Variants in ADGRL2 observed in about 807,000 individuals in gnomAD.
The protein encoded by ADGRL2 is calcium-independent alpha-latrotoxin receptor 2.
A neutral mutation model predicts 157.4 loss-of-function variants in ADGRL2; 44 were observed. The observed-to-expected ratio is 0.28, with a 90% CI of 0.22 to 0.36. The LOEUF is 0.36. ADGRL2 is among the 10% of genes least tolerant of loss of function. ADGRL2 has a pLI of 1.00. For synonymous variants in ADGRL2, 585 were observed against 624.7 expected (o/e 0.94, Z 0.95); for missense variants, 1,510 against 1,768.9 (o/e 0.85, Z 2.63).
At chr1:81,374,078 C>CAT (rs777039220) in intron 1 of ADGRL2, among the ~76,000 whole-genome samples, 1 of 151,102 alleles carries the variant, frequency 6.6e-6, no homozygotes, top group Admixed American at 6.6e-5. Flanking sequence ...AATACACATA[C>CAT]ACACACACAC....
At chr1:81,364,234 T>TTTTTA (rs1194933160) in intron 1 of ADGRL2, among the ~76,000 whole-genome samples, 7 of 152,022 alleles carry the variant, frequency 4.6e-5, no homozygotes, top group African/African-American at 1.7e-4. Flanking sequence ...TGGCTTTGCC[T>TTTTTA]TGGTCTAGGA....
At chr1:81,522,612 T>G (rs926723400) in intron 2 of ADGRL2, among the ~76,000 whole-genome samples, 2 of 152,176 alleles carry the variant, frequency 1.3e-5, no homozygotes, top group Non-Finnish European at 2.9e-5. Flanking sequence ...CTATATGTGG[T>G]TTAAGCTATA....
At chr1:81,339,520 G>A (rs979351064) in intron 1 of ADGRL2, among the ~76,000 whole-genome samples, 8 of 152,118 alleles carry the variant, frequency 5.3e-5, no homozygotes, top group African/African-American at 1.9e-4. Context: ...AATAAATACA[G>A]CATAAAATCT....
At chr1:81,443,284 T>C (rs1369773188) in intron 1 of ADGRL2, among the ~76,000 whole-genome samples, 1 of 152,042 alleles carries the variant, frequency 6.6e-6, no homozygotes, top group Non-Finnish European at 1.5e-5. Flanking sequence ...TAGCAAGTCA[T>C]GATGGCAGGC....
chr1:81,578,107 A>T (rs898699575), intron 2 of ADGRL2, among the ~76,000 whole-genome samples: 6 of 152,188 alleles, frequency 3.9e-5, no homozygotes, highest in African/African-American at 1.4e-4. Flanking sequence ...TTGCACAGTG[A>T]CTTAGAAAAC....
intron 2 of ADGRL2, among the ~76,000 whole-genome samples, chr1:81,903,812 T>TACACACAC (rs66880348): frequency 5.0e-5 from 6 of 120,528 alleles, no homozygotes; most frequent in East Asian, 2.5e-4. Context: ...ACATTTTATA[T>TACACACAC]ACACACACAC....
At chr1:81,688,361 A>G (rs1161963158) in intron 3 of ADGRL2, among the ~76,000 whole-genome samples, 2 of 151,944 alleles carry the variant, frequency 1.3e-5, no homozygotes, top group Non-Finnish European at 2.9e-5. Context: ...GGCTTTGTTC[A>G]TATTTTCTTA....
At chr1:81,769,719 A>G (rs1386112530) in intron 2 of ADGRL2, among the ~76,000 whole-genome samples, 3 of 152,144 alleles carry the variant, frequency 2.0e-5, no homozygotes, top group African/African-American at 7.2e-5. Context: ...CTACACTCAC[A>G]AAACTTGATT....
intron 2 of ADGRL2, among the ~76,000 whole-genome samples, chr1:81,781,649 T>G (rs1263245807): frequency 2.0e-5 from 3 of 152,174 alleles, no homozygotes; most frequent in African/African-American, 7.2e-5. Flanking sequence ...CACCTGCGAT[T>G]TCCCAGTGTA....
At chr1:81,748,706 C>A (rs372718934) in intron 1 of ADGRL2, among the ~76,000 whole-genome samples, 261 of 151,802 alleles carry the variant, frequency 1.7e-3, no homozygotes, top group African/African-American at 6.1e-3. Flanking sequence ...CTCACTCTGT[C>A]ACCCAGGCTG....
rs542662274 is a variant in ADGRL2, at chr1:81,462,695, A to T, written c.-248+17606A>T. 2.6e-4 allele frequency among the ~76,000 whole-genome samples: 40 copies of T among 152,290 alleles called. No individual in the cohort carries two copies. In the South Asian group the frequency reaches 8.3e-3, roughly 32 times the overall value. On this transcript the variant is annotated intron_variant, in intron 2 of 24. Transcript: ENST00000370721. ...TTCCAAGTATTTTATTAAGTGTTTGATATATGACTTTTTAAGACTTTTTGA... is the reference window on the plus strand; with the variant it reads ...TTCCAAGTATTTTATTAAGTGTTTGTTATATGACTTTTTAAGACTTTTTGA...
chr1:81,856,876 T>A (rs529708455), intron 2 of ADGRL2, among the ~76,000 whole-genome samples: 1 of 152,316 alleles, frequency 6.6e-6, no homozygotes, highest in South Asian at 2.1e-4. Flanking sequence ...CTTGCTTTGA[T>A]CATTAAATAA....
At chr1:81,793,366 A>G (rs2087438638) in intron 2 of ADGRL2, among the ~76,000 whole-genome samples, 1 of 152,148 alleles carries the variant, frequency 6.6e-6, no homozygotes, top group Non-Finnish European at 1.5e-5. Context: ...CAAAAACCAG[A>G]TCAGGTTATT....
chr1:81,415,531 T>A (rs565134091), intron 1 of ADGRL2, among the ~76,000 whole-genome samples: 5 of 152,332 alleles, frequency 3.3e-5, no homozygotes, highest in South Asian at 4.1e-4. Flanking sequence ...GAGATACCAC[T>A]GCAGTTCATA....
chr1:81,546,996 T>C (rs1315808474), intron 2 of ADGRL2, among the ~76,000 whole-genome samples: 1 of 152,174 alleles, frequency 6.6e-6, no homozygotes, highest in Non-Finnish European at 1.5e-5. Flanking sequence ...AATAGCCATC[T>C]CCCCTTGTTG....
At chr1:81,414,627 T>C (rs1306100171) in intron 1 of ADGRL2, among the ~76,000 whole-genome samples, 1 of 152,126 alleles carries the variant, frequency 6.6e-6, no homozygotes, top group Non-Finnish European at 1.5e-5. Flanking sequence ...TCTGAGTCCA[T>C]GTGAACGATC....
chr1:81,980,056 G>T, intron 18 of ADGRL2, 96 bp downstream of exon 18: 1 of 691,480 alleles, frequency 1.4e-6, no homozygotes, highest in South Asian at 1.8e-5. Flanking sequence ...ATCAACTGTA[G>T]AAATTATTCA....
chr1:81,554,259 G>A (rs1290816828), intron 2 of ADGRL2, among the ~76,000 whole-genome samples: 3 of 152,192 alleles, frequency 2.0e-5, no homozygotes, highest in Non-Finnish European at 4.4e-5. Flanking sequence ...ACCTGTGAAT[G>A]GCCTCGTCAG....
chr1:81,692,414 A>G (rs2083360851), intron 3 of ADGRL2, among the ~76,000 whole-genome samples: 1 of 152,198 alleles, frequency 6.6e-6, no homozygotes, highest in Admixed American at 6.5e-5. Flanking sequence ...ATTATGTGGG[A>G]TAACAGAGAT....
Sources: allele counts gnomAD v4.1 joint callset (sites outside exome capture counted in the v4.1 genomes callset), GRCh38; gene constraint gnomAD v4.1.1; transcripts MANE v1.5; gene names NCBI Gene and HGNC (gene_info 2026-07-23, HGNC 2026-07-21).